CHST8: variants seen among roughly 807,000 people sequenced by gnomAD.
CHST8 encodes GALNAC-4-ST1.
A neutral mutation model predicts 15.0 loss-of-function variants in CHST8; 10 were observed. The observed-to-expected ratio is 0.67, with a 90% confidence interval of 0.41 to 1.13. CHST8 has a LOEUF of 1.13. Among genes scored for constraint, CHST8 ranks in the 50% most tolerant of loss-of-function variants. The pLI is 0.00. For synonymous variants in CHST8, 259 were observed against 256.6 expected (o/e 1.01, Z -0.09); for missense variants, 634 against 608.2 (o/e 1.04, Z -0.45).
chr19:33,638,635 G>A (rs1202463207), intron 1 of CHST8, among the ~76,000 whole-genome samples: 1 of 152,208 alleles, frequency 6.6e-6, no homozygotes, highest in Non-Finnish European at 1.5e-5. Flanking sequence ...CAATCACAAT[G>A]TTCTTGTAAC....
chr19:33,703,476 G>A (rs1035564353), intron 3 of CHST8, among the ~76,000 whole-genome samples: 5 of 152,258 alleles, frequency 3.3e-5, no homozygotes, highest in African/African-American at 1.2e-4. Context: ...AAAAGTTACG[G>A]TGGTAGTTAT....
At chr19:33,766,220 C>T (rs932937298) in intron 3 of CHST8, among the ~76,000 whole-genome samples, 1 of 151,980 alleles carries the variant, frequency 6.6e-6, no homozygotes, top group East Asian at 1.9e-4. Flanking sequence ...TCCACCTCTA[C>T]CTCTCCCTTC....
At chr19:33,682,756 C>T (rs1037539668) in intron 2 of CHST8, among the ~76,000 whole-genome samples, 2 of 152,216 alleles carry the variant, frequency 1.3e-5, no homozygotes, top group Non-Finnish European at 2.9e-5. Flanking sequence ...TTGACACATG[C>T]AAGCTGTAAT....
intron 3 of CHST8, among the ~76,000 whole-genome samples, chr19:33,748,948 G>A (rs1181556955): frequency 6.6e-6 from 1 of 152,180 alleles, no homozygotes; most frequent in Non-Finnish European, 1.5e-5. Flanking sequence ...CTCAAGGAGT[G>A]AGGCTGGGAA....
intron 3 of CHST8, among the ~76,000 whole-genome samples, chr19:33,735,463 G>A (rs886222835): frequency 1.3e-4 from 20 of 152,282 alleles, no homozygotes; most frequent in African/African-American, 4.8e-4. Context: ...CAGTCAGAGG[G>A]TCTTAGGTTC....
rs869056900 is a variant in CHST8 at position 33,682,187 on chromosome 19, G to GTTTT, written c.-86-6969_-86-6966dup. Among the ~76,000 whole-genome samples, 179 of 95,246 alleles carry GTTTT rather than the reference G, an allele frequency of 1.9e-3. 1 individual carries two copies. The highest frequency in any genetic ancestry group is 3.3e-3 in the African/African-American group (79 of 23,934). The allele number at this position is 95,246 out of a possible 152,430, so 62.5% of individuals were successfully genotyped here. ...TGTGTGTGTTGTGGTTTTTGTTGTT[G>GTTTT]TTTTTTTTTTTTTTTTTTTTTTTGA... On this transcript the variant is annotated intron_variant, in intron 2 of 4. Coordinates refer to ENST00000650847, the MANE Select transcript of CHST8 (RefSeq NM_001127895.2).
chr19:33,624,608 GA>G (rs1346545909), intron 1 of CHST8, among the ~76,000 whole-genome samples: 5 of 152,206 alleles, frequency 3.3e-5, no homozygotes, highest in African/African-American at 1.2e-4. Context: ...TGGTTGTTGA[GA>G]AAGTGTGTCT....
At position 33,652,520 on chromosome 19, in the gene CHST8, C is replaced by T. The variant is rs139233750; in HGVS notation, c.-163-15247C>T. 4.0e-5 allele frequency among the ~76,000 whole-genome samples: 6 copies of T among 151,668 alleles called. No individual in the cohort carries two copies. In the East Asian group the frequency reaches 9.7e-4, roughly 25 times the overall value. On this transcript the variant is annotated intron_variant, in intron 1 of 4. Coordinates refer to ENST00000650847, the MANE Select transcript of CHST8 (RefSeq NM_001127895.2). ...CTTCCTGAGTAGCTGGGACTACAGG[C>T]GCCCAGCAACACGCCCGGCTAATTC...
chr19:33,700,184 C>T (rs1009606769), intron 3 of CHST8, among the ~76,000 whole-genome samples: 7 of 152,210 alleles, frequency 4.6e-5, no homozygotes, highest in African/African-American at 1.7e-4. Context: ...AACCCTCTTG[C>T]GTCTGTTTCC....
chr19:33,722,946 C>T (rs1356003020), intron 3 of CHST8, among the ~76,000 whole-genome samples: 1 of 152,214 alleles, frequency 6.6e-6, no homozygotes, highest in East Asian at 1.9e-4. Context: ...TGAGTGACAG[C>T]TAATCATTTT....
intron 3 of CHST8, among the ~76,000 whole-genome samples, chr19:33,716,748 G>A (rs548362906): frequency 1.3e-5 from 2 of 152,284 alleles, no homozygotes; most frequent in South Asian, 4.1e-4. Context: ...TTGGTTCCAA[G>A]GGAGAATCAT....
rs146978793 is a variant in CHST8 at position 33,707,465 on chromosome 19, A to G, written c.130+18074A>G. ...AACTACAAATCTCCTTTTTATCACTATAGCGCTACCCTTTCTAAACATTTC... is the reference window on the plus strand; with the variant it reads ...AACTACAAATCTCCTTTTTATCACTGTAGCGCTACCCTTTCTAAACATTTC... On this transcript the variant is annotated intron_variant, in intron 3 of 4. Coordinates refer to ENST00000650847, the MANE Select transcript of CHST8 (RefSeq NM_001127895.2). Among the ~76,000 whole-genome samples the G allele has an allele frequency of 6.0e-3, 908 of 152,214 alleles. 4 individuals carry two copies. The highest frequency in any genetic ancestry group is 0.021 in the African/African-American group (852 of 41,526).
At chr19:33,740,135 T>C (rs284691) in intron 3 of CHST8, among the ~76,000 whole-genome samples, 57,507 of 152,052 alleles carry the variant, frequency 0.38, 11,093 homozygotes, top group Admixed American at 0.42. Flanking sequence ...GCTAAAGCCA[T>C]TCAGCAAGCT....
At chr19:33,734,098 A>G (rs1974040452) in intron 3 of CHST8, among the ~76,000 whole-genome samples, 3 of 152,238 alleles carry the variant, frequency 2.0e-5, no homozygotes, top group African/African-American at 7.2e-5. Flanking sequence ...AGGTTGGCAC[A>G]AGATACAGGT....
At chr19:33,661,674 C>G (rs963372886) in intron 1 of CHST8, among the ~76,000 whole-genome samples, 5 of 152,186 alleles carry the variant, frequency 3.3e-5, no homozygotes, top group African/African-American at 1.2e-4. Context: ...TTGGCTCCCC[C>G]TGAATGGGCA....
chr19:33,769,087 C>T (rs576679053), intron 3 of CHST8, among the ~76,000 whole-genome samples: 80 of 152,310 alleles, frequency 5.3e-4, no homozygotes, highest in African/African-American at 9.6e-4. Flanking sequence ...GCTCAGAGTC[C>T]AGAGGTCCAG....
chr19:33,672,392 A>C (rs2012033), intron 2 of CHST8, among the ~76,000 whole-genome samples: 49,748 of 151,888 alleles, frequency 0.33, 9,811 homozygotes, highest in African/African-American at 0.54. Context: ...GAGATGGGGT[A>C]TCACCATGTT....
At chr19:33,632,912 G>A (rs1363567696) in intron 1 of CHST8, among the ~76,000 whole-genome samples, 1 of 152,004 alleles carries the variant, frequency 6.6e-6, no homozygotes, top group African/African-American at 2.4e-5. Context: ...GGGACTACAG[G>A]TGCATGCCAC....
chr19:33,730,856 C>A (rs1304252612), intron 3 of CHST8, among the ~76,000 whole-genome samples: 1 of 152,220 alleles, frequency 6.6e-6, no homozygotes, highest in Non-Finnish European at 1.5e-5. Flanking sequence ...CTGAAGGCCC[C>A]AGAGCCCCTG....
Sources: gnomAD v4.1 joint callset for allele counts (sites outside exome capture counted in the v4.1 genomes callset) on GRCh38, gnomAD v4.1.1 for gene constraint, MANE v1.5 for transcripts, NCBI Gene and HGNC (gene_info 2026-07-23, HGNC 2026-07-21) for gene names.